The following NDEL1 variants were observed in gnomAD, a reference collection of about 807,000 sequenced individuals.
NDEL1 encodes the protein nuclear distribution protein nudE-like 1.
NDEL1 carries 9 observed loss-of-function variants against 45.7 expected under a neutral mutation model. That is an observed-to-expected ratio of 0.20 (90% CI 0.12 to 0.34). NDEL1 has a LOEUF of 0.34. Among genes scored for constraint, NDEL1 ranks in the 10% least tolerant of loss-of-function variants. The pLI, the probability that NDEL1 is intolerant of heterozygous loss-of-function variation, is 1.00. For missense variants in NDEL1, 306 were observed against 406.2 expected (o/e 0.75, Z 2.12); for synonymous variants, 133 against 158.6 (o/e 0.84, Z 1.21).
At chr17:8,438,423 A>G (rs1248758069) in intron 1 of NDEL1, among the ~76,000 whole-genome samples, 1 of 152,266 alleles carries the variant, frequency 6.6e-6, no homozygotes, top group Non-Finnish European at 1.5e-5. Context: ...GTGTAACTTG[A>G]AGCAAACTGA....
At chr17:8,452,740 C>CTTTTTTTTTTTTTTTTTTTTTTTTTTTT in intron 6 of NDEL1, among the ~76,000 whole-genome samples, 8 of 95,590 alleles carry the variant, frequency 8.4e-5, no homozygotes, top group South Asian at 4.1e-4. Flanking sequence ...TTTTTCTTCT[C>CTTTTTTTTTTTTTTTTTTTTTTTTTTTT]TTTTTTTTTT....
At chr17:8,418,574 C>T (rs1020540904) in intron 1 of NDEL1, among the ~76,000 whole-genome samples, 17 of 152,174 alleles carry the variant, frequency 1.1e-4, no homozygotes, top group African/African-American at 2.4e-4. Flanking sequence ...TAGGGCAGGA[C>T]GACTGTTAAA....
chr17:8,450,757 C>T, intron 5 of NDEL1, 23 bp from the exon 6 acceptor site: 1 of 1,594,460 alleles, frequency 6.3e-7, no homozygotes, highest in South Asian at 1.1e-5. Context: ...AGTATTCCTG[C>T]CCTTGTTTGC....
At chr17:8,420,321 C>A (rs973343121) in intron 1 of NDEL1, among the ~76,000 whole-genome samples, 2 of 152,130 alleles carry the variant, frequency 1.3e-5, no homozygotes, top group African/African-American at 4.8e-5. Context: ...AGGCTGCCCC[C>A]CCAAAATAAA....
chr17:8,428,814 C>T (rs762626302), intron 1 of NDEL1, among the ~76,000 whole-genome samples: 66 of 152,134 alleles, frequency 4.3e-4, no homozygotes, highest in African/African-American at 1.3e-3. Flanking sequence ...GCTGGGACTA[C>T]GGGCTCCTGC....
chr17:8,458,372 C>A (rs1221438616), intron 7 of NDEL1, among the ~76,000 whole-genome samples: 1 of 152,120 alleles, frequency 6.6e-6, no homozygotes. Context: ...GTGTGGATGT[C>A]TTTCAAATCT....
At chr17:8,447,513 C>G (rs1184784928) in intron 4 of NDEL1, among the ~76,000 whole-genome samples, 1 of 152,214 alleles carries the variant, frequency 6.6e-6, no homozygotes, top group South Asian at 2.1e-4. Context: ...GTGCTCTTAA[C>G]ACTTCCATAC....
At chr17:8,446,643 G>A in intron 3 of NDEL1, 111 bp from the exon 4 acceptor site, 2 of 1,041,540 alleles carry the variant, frequency 1.9e-6, no homozygotes, top group African/African-American at 3.5e-5. Flanking sequence ...ATTGTTACAA[G>A]AGTGTGGGTA....
At chr17:8,469,587 C>T (rs531780594), downstream of NDEL1, among the ~76,000 whole-genome samples, 2 of 152,250 alleles carry the variant, frequency 1.3e-5, no homozygotes, top group East Asian at 1.9e-4. Context: ...GGGGTAGCAG[C>T]GTGCTGTTGG....
intron 1 of NDEL1, among the ~76,000 whole-genome samples, chr17:8,442,441 G>A (rs1909798910): frequency 6.6e-6 from 1 of 152,174 alleles, no homozygotes; most frequent in African/African-American, 2.4e-5. Context: ...TTTAGAGACA[G>A]GGTCTTGCTG....
intron 8 of NDEL1, chr17:8,463,179 C>G: frequency 1.8e-6 from 1 of 570,504 alleles, no homozygotes. Flanking sequence ...TATGTAGTTT[C>G]TTAGGTAACA....
At chr17:8,466,511 C>G (rs1911602060) in intron 8 of NDEL1, 1 of 158,328 alleles carries the variant, frequency 6.3e-6, no homozygotes, top group African/African-American at 2.4e-5. Flanking sequence ...TCTTTTTCCA[C>G]TTAGTGTTAG....
At chr17:8,464,395 C>T (rs1911439255) in intron 8 of NDEL1, 1 of 152,158 alleles carries the variant, frequency 6.6e-6, no homozygotes, top group South Asian at 2.1e-4. Flanking sequence ...AGAGTCTCTT[C>T]TCTTGCAAAT....
In NDEL1 at chr17:8,454,802, C is replaced by A. The variant is rs1489002113; in HGVS notation, c.707C>A (p.Pro236Gln). ...AGCTTTTATTTTTCTCTAGCTATACCAAATGGTTTTGGTACCAGTCCACTA... is the reference window on the plus strand; with the variant it reads ...AGCTTTTATTTTTCTCTAGCTATACAAAATGGTTTTGGTACCAGTCCACTA... Reference protein sequence around the residue: ...ENTFPSPKAIPNGFGTSPLTP... With the variant: ...ENTFPSPKAIQNGFGTSPLTP... Residue 236 changes from proline (P) to glutamine (Q), a missense_variant, in exon 7 of 9, where the codon CCA (proline) becomes CAA (glutamine). Pro to Gln is a moderately conservative substitution (Grantham distance 76). This residue lies in a region of NDEL1 where 175 missense variants were observed against 205.2 expected (regional missense o/e 0.85). Transcript: ENST00000334527. The A allele has an allele frequency of 3.1e-6, 5 of 1,612,202 alleles. No homozygotes were observed. Among genetic ancestry groups the A allele is most frequent in the African/African-American group, 1.3e-5 (1 of 74,886 alleles).
chr17:8,448,422 ATCT>A, intron 4 of NDEL1, 125 bp from the exon 5 acceptor site: 3 of 951,872 alleles, frequency 3.2e-6, no homozygotes, highest in Non-Finnish European at 4.7e-6. Flanking sequence ...GGGCAAGATC[ATCT>A]TCTTTGATTG....
intron 1 of NDEL1, among the ~76,000 whole-genome samples, chr17:8,437,569 C>CA (rs770119763): frequency 9.2e-5 from 14 of 152,118 alleles, no homozygotes; most frequent in Admixed American, 5.9e-4. Flanking sequence ...CTGATAGAAT[C>CA]AAAGAGAGAC....
intron 1 of NDEL1, among the ~76,000 whole-genome samples, chr17:8,426,435 G>A (rs929342627): frequency 6.6e-6 from 1 of 152,198 alleles, no homozygotes; most frequent in African/African-American, 2.4e-5. Context: ...AAAGGTATGT[G>A]AGCACATATC....
At chr17:8,435,551 T>G (rs1909227225), upstream of NDEL1, among the ~76,000 whole-genome samples, 1 of 152,216 alleles carries the variant, frequency 6.6e-6, no homozygotes, top group African/African-American at 2.4e-5. Flanking sequence ...CGAGATTCAT[T>G]TTATAAACGG....
chr17:8,419,776 C>T (rs1908655989), intron 1 of NDEL1, among the ~76,000 whole-genome samples: 1 of 152,112 alleles, frequency 6.6e-6, no homozygotes, highest in South Asian at 2.1e-4. Context: ...GATTTTCTAG[C>T]ACTTTCCATG....
Sources: allele counts gnomAD v4.1 joint callset (sites outside exome capture counted in the v4.1 genomes callset), GRCh38; gene constraint gnomAD v4.1.1; regional missense constraint gnomAD v4.1.1; transcripts MANE v1.5; gene names NCBI Gene and HGNC (gene_info 2026-07-23, HGNC 2026-07-21).